The following MYO16 variants were observed in gnomAD, a reference collection of about 807,000 sequenced individuals.
MYO16 encodes myosin XVI.
A neutral mutation model predicts 205.3 loss-of-function variants in MYO16; 94 were observed. That is an observed-to-expected ratio of 0.46 (90% CI 0.39 to 0.54). The LOEUF (loss-of-function observed/expected upper bound fraction) is 0.54. Ranked by LOEUF, MYO16 falls within the 20% of genes least tolerant of loss-of-function variation. MYO16 has a pLI of 0.00. For missense variants in MYO16, 2,315 were observed against 2,387.5 expected (o/e 0.97, Z 0.63); for synonymous variants, 988 against 954.0 (o/e 1.04, Z -0.66).
intron 21 of MYO16, among the ~76,000 whole-genome samples, chr13:108,998,928 T>C (rs1014421584): frequency 2.7e-4 from 41 of 152,358 alleles, no homozygotes; most frequent in African/African-American, 9.6e-4. Flanking sequence ...ATGCGGAAGC[T>C]GGATGCTTTT....
chr13:108,997,675 C>T (rs1461543497), intron 21 of MYO16, among the ~76,000 whole-genome samples: 2 of 152,020 alleles, frequency 1.3e-5, no homozygotes, highest in Admixed American at 6.6e-5. Flanking sequence ...CCCATCTCTA[C>T]TAAAAATACA....
At chr13:109,073,809 A>C (rs537790709) in intron 27 of MYO16, among the ~76,000 whole-genome samples, 6 of 152,238 alleles carry the variant, frequency 3.9e-5, no homozygotes, top group Non-Finnish European at 8.8e-5. Flanking sequence ...ACAAGTGACT[A>C]ATATGAGTAG....
At chr13:108,811,482 A>G (rs1887288977) in intron 7 of MYO16, among the ~76,000 whole-genome samples, 1 of 151,372 alleles carries the variant, frequency 6.6e-6, no homozygotes, top group Admixed American at 6.6e-5. Context: ...TCCTCTCCCA[A>G]ATTCTGCATC....
At chr13:108,846,392 T>C (rs1451982093) in intron 10 of MYO16, among the ~76,000 whole-genome samples, 1 of 152,106 alleles carries the variant, frequency 6.6e-6, no homozygotes, top group Non-Finnish European at 1.5e-5. Context: ...GAATAAAGTC[T>C]TATGGGTGCT....
chr13:108,849,208 T>C (rs1353464834), intron 10 of MYO16, among the ~76,000 whole-genome samples: 2 of 152,206 alleles, frequency 1.3e-5, no homozygotes, highest in African/African-American at 4.8e-5. Context: ...TTTGTTTTTC[T>C]GAGATGACGT....
intron 23 of MYO16, among the ~76,000 whole-genome samples, chr13:109,030,338 T>A (rs1265016310): frequency 2.0e-5 from 3 of 152,132 alleles, no homozygotes. Context: ...GGAAAATAAT[T>A]GGACACATTT....
chr13:108,499,810 G>T, the MYO16 span, among the ~76,000 whole-genome samples: 1 of 152,106 alleles, frequency 6.6e-6, no homozygotes, highest in Non-Finnish European at 1.5e-5. Flanking sequence ...ATTATGTTAA[G>T]TGACTTGTTC....
At chr13:108,647,999 T>C (rs1880828318) in intron 1 of MYO16, among the ~76,000 whole-genome samples, 1 of 152,182 alleles carries the variant, frequency 6.6e-6, no homozygotes, top group South Asian at 2.1e-4. Flanking sequence ...AAAACAGAGA[T>C]GGCCCCTGTA....
At chr13:108,521,084 A>C in the MYO16 span, among the ~76,000 whole-genome samples, 1 of 151,622 alleles carries the variant, frequency 6.6e-6, no homozygotes, top group African/African-American at 2.4e-5. Context: ...TTTATCCAAA[A>C]TGTATATAGG....
chr13:108,543,355 G>A, the MYO16 span, among the ~76,000 whole-genome samples: 1 of 152,202 alleles, frequency 6.6e-6, no homozygotes, highest in Non-Finnish European at 1.5e-5. Flanking sequence ...TGGTAAAAAA[G>A]AATCCCAGGC....
In MYO16 at chr13:109,057,674, T is replaced by TA. The variant is rs1887457888; in HGVS notation, c.3335+2082dup. Among the ~76,000 whole-genome samples, 2 of 152,152 alleles carry TA rather than the reference T, an allele frequency of 1.3e-5. 1 individual carries two copies. Among genetic ancestry groups the TA allele is most frequent in the South Asian group, 4.1e-4 (2 of 4,826 alleles). On this transcript the variant is annotated intron_variant, in intron 27 of 34. Coordinates refer to ENST00000457511, the MANE Select transcript of MYO16 (RefSeq NM_001198950.3). ...TTCTTACATTTTATAGTGTGTGTAT[T>TA]AAAGGTCAGCCCTCCCACCTTCTTA...
intron 29 of MYO16, among the ~76,000 whole-genome samples, chr13:109,120,920 C>T (rs765241775): frequency 1.2e-4 from 18 of 151,992 alleles, no homozygotes; most frequent in East Asian, 3.9e-4. Context: ...CATGGTGGGA[C>T]GCAACAATAG....
intron 17 of MYO16, 80 bp downstream of exon 17, chr13:108,957,879 C>T: frequency 8.9e-7 from 1 of 1,128,200 alleles, no homozygotes; most frequent in Non-Finnish European, 1.3e-6. Context: ...AAAGCATTTA[C>T]TGAGCCCCTA....
At chr13:108,694,160 G>A (rs1418357164) in intron 2 of MYO16, among the ~76,000 whole-genome samples, 5 of 152,114 alleles carry the variant, frequency 3.3e-5, no homozygotes, top group African/African-American at 1.2e-4. Context: ...GAATAGTGCT[G>A]CAATGAAAAT....
intron 1 of MYO16, among the ~76,000 whole-genome samples, chr13:108,613,781 A>T (rs533294508): frequency 6.6e-6 from 1 of 152,262 alleles, no homozygotes; most frequent in East Asian, 1.9e-4. Context: ...AGTAACACAA[A>T]AGCCAAATGA....
At chr13:108,890,231 A>G (rs1242063938) in intron 14 of MYO16, among the ~76,000 whole-genome samples, 1 of 148,754 alleles carries the variant, frequency 6.7e-6, no homozygotes, top group Admixed American at 6.9e-5. Context: ...GGCGTGAACC[A>G]CTGCATCGTA....
intron 33 of MYO16, among the ~76,000 whole-genome samples, chr13:109,169,133 CTG>C (rs1269181809): frequency 2.0e-5 from 3 of 152,158 alleles, no homozygotes; most frequent in African/African-American, 7.2e-5. Flanking sequence ...ATTTTTCTTT[CTG>C]TGTCTTAGTT....
intron 23 of MYO16, among the ~76,000 whole-genome samples, chr13:109,023,206 AATTT>A (rs1182441083): frequency 8.1e-6 from 1 of 123,348 alleles, no homozygotes; most frequent in Non-Finnish European, 1.6e-5. Context: ...TATGAATATA[AATTT>A]ATGTATATAT....
At chr13:108,695,554 G>A (rs960892244) in intron 2 of MYO16, among the ~76,000 whole-genome samples, 19 of 134,858 alleles carry the variant, frequency 1.4e-4, no homozygotes, top group Non-Finnish European at 1.3e-4. Flanking sequence ...TTTAATTTCT[G>A]CAAAAAAAAA....
Sources: gnomAD v4.1 joint callset for allele counts (sites outside exome capture counted in the v4.1 genomes callset) on GRCh38, gnomAD v4.1.1 for gene constraint, MANE v1.5 for transcripts, NCBI Gene and HGNC (gene_info 2026-07-23, HGNC 2026-07-21) for gene names.